The following RHOU variants were observed in gnomAD, a reference collection of about 807,000 sequenced individuals.
RHOU encodes the protein ras homolog family member U.
RHOU carries 8 observed loss-of-function variants against 12.6 expected under a neutral mutation model. That is an observed-to-expected ratio of 0.64 (90% CI 0.37 to 1.15). RHOU has a LOEUF of 1.15. Ranked by LOEUF, RHOU falls within the 50% of genes most tolerant of loss-of-function variation. The probability of loss-of-function intolerance (pLI) is 0.01; values close to 1 mark genes in which losing one functional copy is unlikely to be tolerated. For missense variants in RHOU, 258 were observed against 347.0 expected, an observed-to-expected ratio of 0.74 and a Z score of 2.04; for synonymous variants, 161 against 147.4, an observed-to-expected ratio of 1.09 and a Z score of -0.67.
rs573102035 is a variant in RHOU at position 228,735,876 on chromosome 1, C to T, written c.134C>T (p.Ala45Val). Residue 45 changes from alanine to valine, a missense_variant, in exon 1 of 3, where the codon GCC (alanine) becomes GTC (valine). Physicochemically the swap from Ala to Val is moderately conservative, Grantham distance 64 (BLOSUM62 0). Transcript: ENST00000366691. The surrounding 1 kb of genome is among the most constrained non-coding windows in gnomAD (Gnocchi z 8.1). ...EPGGRGRAGG[A>V]EGRGVKCVLV... is the part of the protein sequence containing the mutation. ...GGGGGCCGGGGGCGTGCGGGGGGTG[C>T]CGAGGGGCGCGGCGTCAAGTGCGTG... The T allele has an allele frequency of 2.1e-5, 31 of 1,508,204 alleles. No individual in the cohort carries two copies. The South Asian group carries it at 3.8e-4, about 18-fold the overall frequency. The allele number at this position is 1,508,204 out of a possible 1,614,324, so 93.4% of individuals were successfully genotyped here.
At chr1:228,673,717 G>A in the RHOU span, among the ~76,000 whole-genome samples, 2 of 152,140 alleles carry the variant, frequency 1.3e-5, no homozygotes, top group African/African-American at 4.8e-5. Flanking sequence ...TCTCAGTCAT[G>A]CTTCCTGTAT....
the RHOU span, among the ~76,000 whole-genome samples, chr1:228,725,213 C>T: frequency 6.6e-6 from 1 of 152,130 alleles, no homozygotes; most frequent in African/African-American, 2.4e-5. Context: ...ACCCTGGAGT[C>T]CCAAAGGGCA....
chr1:228,692,818 T>G, the RHOU span, among the ~76,000 whole-genome samples: 1 of 151,908 alleles, frequency 6.6e-6, no homozygotes, highest in Non-Finnish European at 1.5e-5. Flanking sequence ...AAATCAAAAC[T>G]TCAAATAAAG....
the RHOU span, among the ~76,000 whole-genome samples, chr1:228,724,791 C>T: frequency 6.6e-6 from 1 of 152,150 alleles, no homozygotes; most frequent in African/African-American, 2.4e-5. Context: ...GAAGTTCTGG[C>T]CTATAGTAAG....
chr1:228,686,600 AGTATTGG>A, the RHOU span, among the ~76,000 whole-genome samples: 1 of 152,216 alleles, frequency 6.6e-6, no homozygotes, highest in African/African-American at 2.4e-5. Flanking sequence ...GCCCTCTTTT[AGTATTGG>A]GTCGGTGCAA....
the RHOU span, among the ~76,000 whole-genome samples, chr1:228,697,482 C>T: frequency 6.6e-6 from 1 of 152,112 alleles, no homozygotes; most frequent in African/African-American, 2.4e-5. Flanking sequence ...TGTTGGGCAA[C>T]AATCAGTAAG....
chr1:228,682,334 C>T, the RHOU span, among the ~76,000 whole-genome samples: 1 of 152,136 alleles, frequency 6.6e-6, no homozygotes, highest in Non-Finnish European at 1.5e-5. Flanking sequence ...TCCCTCTGAC[C>T]CGGGTCTTCA....
chr1:228,647,595 G>T, the RHOU span, among the ~76,000 whole-genome samples: 35 of 152,306 alleles, frequency 2.3e-4, no homozygotes, highest in African/African-American at 8.4e-4. Context: ...TTATAAGGTT[G>T]CGACTGCGCC....
the RHOU span, chr1:228,651,252 A>G: frequency 4.9e-6 from 1 of 203,378 alleles, no homozygotes. Flanking sequence ...AGCCATTTGC[A>G]GACATTTAGC....
the RHOU span, among the ~76,000 whole-genome samples, chr1:228,706,184 G>T: frequency 6.6e-6 from 1 of 152,204 alleles, no homozygotes; most frequent in African/African-American, 2.4e-5. Flanking sequence ...TGGCCAGGGG[G>T]TTACTTTACT....
chr1:228,661,355 A>G, the RHOU span, among the ~76,000 whole-genome samples: 2 of 152,240 alleles, frequency 1.3e-5, no homozygotes, highest in African/African-American at 4.8e-5. Flanking sequence ...GAACCAAAAA[A>G]GAGCCCTCAT....
At chr1:228,662,411 G>A in the RHOU span, among the ~76,000 whole-genome samples, 1 of 152,136 alleles carries the variant, frequency 6.6e-6, no homozygotes, top group Admixed American at 6.6e-5. Context: ...ATTCACAATA[G>A]CAAAGACTTG....
chr1:228,740,948 A>G (rs1662707723), intron 2 of RHOU, among the ~76,000 whole-genome samples: 1 of 152,176 alleles, frequency 6.6e-6, no homozygotes, highest in Admixed American at 6.5e-5. Context: ...TTGATCAGAG[A>G]CAGACTGGAG....
the RHOU span, chr1:228,650,203 G>GA: frequency 2.2e-6 from 1 of 456,816 alleles, no homozygotes; most frequent in Non-Finnish European, 4.4e-6. Context: ...CCCATGGGTC[G>GA]CCCATGGGGA....
chr1:228,690,601 C>T, the RHOU span, among the ~76,000 whole-genome samples: 15 of 150,280 alleles, frequency 1.0e-4, 1 homozygote, highest in African/African-American at 3.0e-4. Context: ...GGATTACAGG[C>T]GTGAGCCACC....
the RHOU span, among the ~76,000 whole-genome samples, chr1:228,653,317 A>G: frequency 1.3e-5 from 2 of 151,648 alleles, no homozygotes; most frequent in Non-Finnish European, 2.9e-5. Context: ...ATCATGTCGG[A>G]CTAATTTTTG....
At chr1:228,656,258 G>A in the RHOU span, among the ~76,000 whole-genome samples, 2 of 152,100 alleles carry the variant, frequency 1.3e-5, no homozygotes, top group African/African-American at 4.8e-5. Context: ...GCCTCAAGCA[G>A]TCCTTTCCCC....
At chr1:228,650,347 G>A in the RHOU span, 15 of 462,240 alleles carry the variant, frequency 3.2e-5, 1 homozygote, top group South Asian at 2.1e-4. Flanking sequence ...GGCCTTTACC[G>A]CCTTGAGCGT....
chr1:228,718,990 T>C, the RHOU span, among the ~76,000 whole-genome samples: 1 of 152,128 alleles, frequency 6.6e-6, no homozygotes, highest in African/African-American at 2.4e-5. Flanking sequence ...ACAGAATATA[T>C]CGTCTAAAAG....
Sources: gnomAD v4.1 joint callset for allele counts (sites outside exome capture counted in the v4.1 genomes callset) on GRCh38, gnomAD v4.1.1 for gene constraint, Gnocchi (gnomAD v3.1) non-coding constraint, MANE v1.5 for transcripts, NCBI Gene and HGNC (gene_info 2026-07-23, HGNC 2026-07-21) for gene names.